RNGTT: variants seen among roughly 807,000 people sequenced by gnomAD.
The protein encoded by RNGTT is mRNA-capping enzyme.
In RNGTT, 33 loss-of-function variants were observed where a neutral mutation model predicts 79.3. The ratio of observed to expected loss-of-function variants is 0.42; its 90% CI spans 0.32 to 0.56. The LOEUF (loss-of-function observed/expected upper bound fraction) is 0.56. Among genes scored for constraint, RNGTT ranks in the 20% least tolerant of loss-of-function variants. RNGTT has a pLI of 0.17. For synonymous variants in RNGTT, 222 were observed against 235.9 expected (o/e 0.94, Z 0.54); for missense variants, 497 against 739.1 (o/e 0.67, Z 3.80).
intron 11 of RNGTT, among the ~76,000 whole-genome samples, chr6:88,808,473 G>A (rs1264121793): frequency 6.6e-6 from 1 of 152,116 alleles, no homozygotes; most frequent in Non-Finnish European, 1.5e-5. Flanking sequence ...AAAAGTAAAT[G>A]AGAAAACATG....
intron 14 of RNGTT, among the ~76,000 whole-genome samples, chr6:88,633,858 T>G (rs778129080): frequency 2.6e-5 from 4 of 152,252 alleles, no homozygotes; most frequent in Non-Finnish European, 4.4e-5. Context: ...CAATATCATC[T>G]ACTGGGGAGA....
intron 14 of RNGTT, among the ~76,000 whole-genome samples, chr6:88,648,932 A>G (rs1403183908): frequency 1.3e-5 from 2 of 152,228 alleles, no homozygotes; most frequent in African/African-American, 4.8e-5. Flanking sequence ...TTATATGCCC[A>G]GTCTCCACCA....
At chr6:88,830,648 G>T (rs984102944) in intron 11 of RNGTT, among the ~76,000 whole-genome samples, 1 of 151,598 alleles carries the variant, frequency 6.6e-6, no homozygotes, top group Non-Finnish European at 1.5e-5. Context: ...GAATCCAGGA[G>T]CTGGTTTTTT....
chr6:88,810,202 G>C (rs1203331013), intron 11 of RNGTT, among the ~76,000 whole-genome samples: 3 of 152,144 alleles, frequency 2.0e-5, no homozygotes. Flanking sequence ...GTTGGGCTGA[G>C]ATAGTGTACA....
At position 88,905,340 on chromosome 6, in the gene RNGTT, C is replaced by G. The variant is rs574994182; in HGVS notation, c.444-385G>C. Among the ~76,000 whole-genome samples, 4 of 152,242 alleles carry G rather than the reference C, an allele frequency of 2.6e-5. No individual in the cohort carries two copies. The East Asian group carries it at 7.7e-4, about 29-fold the overall frequency. On this transcript the variant is annotated intron_variant, in intron 5 of 15. Transcript: ENST00000369485. ...TACAGGAACTTTCAACAGATCCAGG[C>G]ACTAAGAGTCTAGATCATCAAAGAG...
intron 13 of RNGTT, among the ~76,000 whole-genome samples, chr6:88,707,576 C>T (rs1776171340): frequency 6.6e-6 from 1 of 151,982 alleles, no homozygotes; most frequent in African/African-American, 2.4e-5. Context: ...CCATTTAATG[C>T]TTCAAAGTAG....
chr6:88,755,568 G>A (rs1320931726), intron 13 of RNGTT, among the ~76,000 whole-genome samples: 1 of 152,060 alleles, frequency 6.6e-6, no homozygotes, highest in Non-Finnish European at 1.5e-5. Context: ...GGGGGGAATG[G>A]GTGGTGAGAA....
At chr6:88,614,482 T>TA in intron 14 of RNGTT, 87 bp from the exon 15 acceptor site, 1 of 1,240,034 alleles carries the variant, frequency 8.1e-7, no homozygotes. Context: ...TAGGAAATGA[T>TA]AAAAATACCT....
rs114647821 is a variant in RNGTT, at chr6:88,758,750, T to C, written c.1439+11024A>G. 9.0e-3 allele frequency among the ~76,000 whole-genome samples: 1,372 copies of C among 152,318 alleles called. 20 individuals carry two copies. Among genetic ancestry groups the C allele is most frequent in the African/African-American group, 0.031 (1,287 of 41,572 alleles). ...TTTCTCAACTCTCTAGTCTATTATT[T>C]TGCCCTTGCAAGTTATAAGCAATCC... On this transcript the variant is annotated intron_variant, in intron 13 of 15. Coordinates refer to ENST00000369485, the MANE Select transcript of RNGTT (RefSeq NM_003800.5).
intron 11 of RNGTT, among the ~76,000 whole-genome samples, chr6:88,803,232 T>C (rs1779843384): frequency 1.3e-5 from 2 of 152,052 alleles, no homozygotes; most frequent in South Asian, 4.1e-4. Flanking sequence ...ATTAGATCAG[T>C]AATTGCCAGA....
intron 13 of RNGTT, among the ~76,000 whole-genome samples, chr6:88,746,932 G>C (rs1012753236): frequency 2.0e-5 from 3 of 152,312 alleles, no homozygotes; most frequent in East Asian, 3.9e-4. Context: ...ATCAGGTGAT[G>C]GGTGAAGTCT....
intron 14 of RNGTT, among the ~76,000 whole-genome samples, chr6:88,666,733 CAGAG>C (rs539087259): frequency 3.2e-4 from 49 of 152,302 alleles, no homozygotes; most frequent in African/African-American, 1.1e-3. Context: ...CATTAACCCA[CAGAG>C]AGAGATGTCC....
At chr6:88,719,805 ACATATTAT>A (rs774486743) in intron 13 of RNGTT, among the ~76,000 whole-genome samples, 1 of 152,242 alleles carries the variant, frequency 6.6e-6, no homozygotes, top group Non-Finnish European at 1.5e-5. Context: ...GTACCAAAGT[ACATATTAT>A]CATAAAAATA....
At position 88,924,527 on chromosome 6, in the gene RNGTT, T is replaced by A. The variant is rs923245697; in HGVS notation, c.367+4458A>T. ...TTTTTTTGAGACAGAATTCTTGCTA[T>A]GTTGCCCAGACCAGTGTCAAACTCC... On this transcript the variant is annotated intron_variant, in intron 4 of 15. Transcript: ENST00000369485. 2.0e-5 allele frequency among the ~76,000 whole-genome samples: 3 copies of A among 152,208 alleles called. No homozygotes were observed. In the South Asian group the frequency reaches 6.2e-4, roughly 31 times the overall value.
intron 12 of RNGTT, among the ~76,000 whole-genome samples, chr6:88,787,906 G>T (rs537038126): frequency 3.7e-4 from 56 of 152,208 alleles, no homozygotes; most frequent in Non-Finnish European, 4.3e-4. Flanking sequence ...TCTGATTTAA[G>T]TAACTGCATT....
At chr6:88,820,112 G>A (rs1256460569) in intron 11 of RNGTT, among the ~76,000 whole-genome samples, 1 of 152,076 alleles carries the variant, frequency 6.6e-6, no homozygotes, top group African/African-American at 2.4e-5. Context: ...CAAGAGTGGT[G>A]CTTTCTGAGG....
chr6:88,651,771 C>A (rs1327086616), intron 14 of RNGTT, among the ~76,000 whole-genome samples: 1 of 151,848 alleles, frequency 6.6e-6, no homozygotes, highest in Non-Finnish European at 1.5e-5. Flanking sequence ...TTATTTTAAA[C>A]CAAATTTCCA....
chr6:88,891,511 CAAATT>C (rs1043423682), intron 7 of RNGTT, among the ~76,000 whole-genome samples: 3 of 152,228 alleles, frequency 2.0e-5, no homozygotes, highest in South Asian at 2.1e-4. Context: ...TCCCTCTTAT[CAAATT>C]GAGAGACTAG....
At chr6:88,843,725 A>AT (rs1259494731) in intron 11 of RNGTT, among the ~76,000 whole-genome samples, 1 of 151,052 alleles carries the variant, frequency 6.6e-6, no homozygotes, top group Non-Finnish European at 1.5e-5. Context: ...CACCCGGCTA[A>AT]TTTTTGTATT....
Sources: allele counts gnomAD v4.1 joint callset (sites outside exome capture counted in the v4.1 genomes callset), GRCh38; gene constraint gnomAD v4.1.1; transcripts MANE v1.5; gene names NCBI Gene and HGNC (gene_info 2026-07-23, HGNC 2026-07-21).